FSTL5: variants seen among roughly 807,000 people sequenced by gnomAD.
FSTL5 encodes follistatin like 5.
A neutral mutation model predicts 89.1 loss-of-function variants in FSTL5; 62 were observed. The ratio of observed to expected loss-of-function variants is 0.70; its 90% CI spans 0.57 to 0.86. The LOEUF is 0.86. Among genes scored for constraint, FSTL5 ranks in the 40% least tolerant of loss-of-function variants. The probability of loss-of-function intolerance (pLI) is 0.00; values close to 1 mark genes in which losing one functional copy is unlikely to be tolerated. For missense variants in FSTL5, 1,057 were observed against 1,001.6 expected, an observed-to-expected ratio of 1.06 and a Z score of -0.75; for synonymous variants, 383 against 346.2, an observed-to-expected ratio of 1.11 and a Z score of -1.18.
intron 12 of FSTL5, among the ~76,000 whole-genome samples, chr4:161,495,825 T>C (rs1730049972): frequency 6.6e-6 from 1 of 152,058 alleles, no homozygotes; most frequent in East Asian, 1.9e-4. Flanking sequence ...GGAAAAATGG[T>C]TCCAAAAGAC....
At chr4:162,029,646 C>T (rs1737440871) in intron 3 of FSTL5, among the ~76,000 whole-genome samples, 1 of 152,062 alleles carries the variant, frequency 6.6e-6, no homozygotes, top group Non-Finnish European at 1.5e-5. Context: ...ATGTGTTTAT[C>T]ATCATCGATT....
chr4:162,027,859 G>A (rs755999367), intron 3 of FSTL5, among the ~76,000 whole-genome samples: 3 of 130,504 alleles, frequency 2.3e-5, no homozygotes, highest in Non-Finnish European at 4.8e-5. Context: ...TCATGAGAGT[G>A]CATTCTGCCC....
chr4:161,461,582 A>G (rs1181055923), intron 13 of FSTL5, among the ~76,000 whole-genome samples: 1 of 151,914 alleles, frequency 6.6e-6, no homozygotes, highest in Non-Finnish European at 1.5e-5. Context: ...AACATAGAAC[A>G]GCTATTCCCA....
At chr4:161,680,301 T>G (rs1173871921) in intron 6 of FSTL5, among the ~76,000 whole-genome samples, 2 of 151,910 alleles carry the variant, frequency 1.3e-5, no homozygotes, top group Non-Finnish European at 2.9e-5. Flanking sequence ...ATCTACTTAC[T>G]GAGGTCAGTG....
chr4:161,653,070 C>T (rs985128182), intron 7 of FSTL5, among the ~76,000 whole-genome samples: 3 of 152,090 alleles, frequency 2.0e-5, no homozygotes, highest in East Asian at 1.9e-4. Context: ...TAATTAGACC[C>T]CCAAATTAAT....
At chr4:161,473,217 G>C (rs1734010043) in intron 13 of FSTL5, among the ~76,000 whole-genome samples, 1 of 151,960 alleles carries the variant, frequency 6.6e-6, no homozygotes, top group African/African-American at 2.4e-5. Flanking sequence ...CTTCTGTCTG[G>C]TATTTCTATC....
intron 11 of FSTL5, among the ~76,000 whole-genome samples, chr4:161,505,326 C>T (rs1449917360): frequency 6.6e-6 from 1 of 152,130 alleles, no homozygotes; most frequent in East Asian, 1.9e-4. Flanking sequence ...CATACCATTG[C>T]ACCTCAATAA....
At position 161,776,011 on chromosome 4, in the gene FSTL5, T is replaced by A. The variant is rs1741396456; in HGVS notation, c.473A>T (p.Gln158Leu). The change falls in exon 5 of 16, where the codon CAA becomes CTA. Residue 158 changes from glutamine (Q) to leucine (L), a missense_variant. By Grantham distance (113) the Gln-to-Leu change is moderately radical. Transcript: ENST00000306100. ...MKNMLLDLQN[Q>L]KYIMQENENP... ...TTCATTTTCTTGCATAATATATTTT[T>A]GATTTTGTAAATCTAATAGCATATT... 6.3e-7 allele frequency: 1 copy of A among 1,596,506 alleles called. No homozygotes were observed.
chr4:161,981,172 C>A (rs1363434544), intron 3 of FSTL5, among the ~76,000 whole-genome samples: 12 of 152,086 alleles, frequency 7.9e-5, no homozygotes, highest in Admixed American at 7.2e-4. Context: ...AAAGTCAGTA[C>A]AGGAAAAGAT....
chr4:162,102,537 A>G (rs776468161), intron 2 of FSTL5, among the ~76,000 whole-genome samples: 2 of 147,720 alleles, frequency 1.4e-5, no homozygotes, highest in Non-Finnish European at 3.0e-5. Context: ...GAAACACAGT[A>G]CTTTCTCTTA....
At chr4:161,511,126 C>A (rs764043493) in intron 10 of FSTL5, among the ~76,000 whole-genome samples, 6 of 152,098 alleles carry the variant, frequency 3.9e-5, no homozygotes, top group Non-Finnish European at 8.8e-5. Context: ...ATGCCTGCTT[C>A]TTTAATAATT....
intron 1 of FSTL5, among the ~76,000 whole-genome samples, chr4:162,123,833 AT>A (rs1406672987): frequency 4.0e-5 from 6 of 151,070 alleles, no homozygotes; most frequent in South Asian, 2.1e-4. Context: ...CAGGTAAAAG[AT>A]TTTTTTTTAA....
At chr4:161,545,232 A>T (rs1437320608) in intron 8 of FSTL5, among the ~76,000 whole-genome samples, 3 of 152,210 alleles carry the variant, frequency 2.0e-5, no homozygotes, top group South Asian at 2.1e-4. Flanking sequence ...AGTGAGCTAC[A>T]ACTGTTTCTC....
intron 3 of FSTL5, among the ~76,000 whole-genome samples, chr4:161,923,986 C>A (rs1734059939): frequency 6.6e-6 from 1 of 151,718 alleles, no homozygotes; most frequent in Non-Finnish European, 1.5e-5. Context: ...CCCTTTCTGA[C>A]AGTAATTATC....
At chr4:161,682,022 G>A (rs1263391007) in intron 6 of FSTL5, among the ~76,000 whole-genome samples, 1 of 152,144 alleles carries the variant, frequency 6.6e-6, no homozygotes, top group Non-Finnish European at 1.5e-5. Flanking sequence ...AACCTGTATA[G>A]CATGTTACAG....
At chr4:161,825,317 A>G (rs1333581699) in intron 4 of FSTL5, among the ~76,000 whole-genome samples, 2 of 148,650 alleles carry the variant, frequency 1.3e-5, no homozygotes, top group African/African-American at 4.8e-5. Context: ...GGATTTTTGC[A>G]TCTATATTCA....
At chr4:162,117,438 G>A (rs1212867280) in intron 1 of FSTL5, among the ~76,000 whole-genome samples, 1 of 152,134 alleles carries the variant, frequency 6.6e-6, no homozygotes, top group Admixed American at 6.5e-5. Context: ...ATAGGAACCC[G>A]GAGTTTAGCA....
In FSTL5 at chr4:161,992,860, AAATATATATATATAT is replaced by A. The variant is rs1452300140; in HGVS notation, c.160+40750_160+40764del. On this transcript the variant is annotated intron_variant, in intron 3 of 15. Transcript: ENST00000306100. Reference sequence around the variant, plus strand: ...GAAACTCCATCTCAAAAAAAAAAAAAAATATATATATATATATATATATATATATATATATATGTG... The same window carrying A: ...GAAACTCCATCTCAAAAAAAAAAAAAATATATATATATATATATATATGTG... Among the ~76,000 whole-genome samples the A allele has an allele frequency of 3.4e-3, 36 of 10,646 alleles. 1 individual carries two copies. Among genetic ancestry groups the A allele is most frequent in the East Asian group, 9.9e-3 (2 of 202 alleles). The allele number at this position is 10,646 out of a possible 152,430, so 7.0% of individuals were successfully genotyped here.
intron 7 of FSTL5, among the ~76,000 whole-genome samples, chr4:161,609,493 T>C (rs1236212191): frequency 6.6e-6 from 1 of 152,178 alleles, no homozygotes; most frequent in Non-Finnish European, 1.5e-5. Flanking sequence ...ATTATGTATT[T>C]CATTGGATTA....
Sources: gnomAD v4.1 joint callset for allele counts (sites outside exome capture counted in the v4.1 genomes callset) on GRCh38, gnomAD v4.1.1 for gene constraint, MANE v1.5 for transcripts, NCBI Gene and HGNC (gene_info 2026-07-23, HGNC 2026-07-21) for gene names.